Variants in CEP70 observed in about 807,000 individuals in gnomAD.
CEP70 encodes centrosomal protein 70.
In CEP70, 70 loss-of-function variants were observed where a neutral mutation model predicts 90.9. The observed-to-expected ratio is 0.77, with a 90% confidence interval of 0.64 to 0.94. CEP70 has a LOEUF of 0.94. CEP70 is among the 40% of genes least tolerant of loss of function. The probability of loss-of-function intolerance (pLI) is 0.00; values close to 1 mark genes in which losing one functional copy is unlikely to be tolerated. For synonymous variants in CEP70, 220 were observed against 228.3 expected, an observed-to-expected ratio of 0.96 and a Z score of 0.33; for missense variants, 648 against 669.0, an observed-to-expected ratio of 0.97 and a Z score of 0.35.
At chr3:138,579,979 C>T (rs1242725116) in intron 2 of CEP70, among the ~76,000 whole-genome samples, 1 of 151,984 alleles carries the variant, frequency 6.6e-6, no homozygotes, top group African/African-American at 2.4e-5. Context: ...AGAGGAGAAG[C>T]CACTGCCCTG....
rs1447760235 is a variant in CEP70, at chr3:138,500,446, C to G, written c.1490G>C (p.Gly497Ala). The G allele has an allele frequency of 6.2e-7, 1 of 1,608,142 alleles. No individual in the cohort carries two copies. The highest frequency in any genetic ancestry group is 1.3e-5 in the African/African-American group (1 of 74,514). The part of the protein sequence containing the change: ...PRMNEVYTRL[G>A]EMNNAVRNLQ... ...GTTTCTCACAGCATTGTTCATTTCT[C>G]CAAGCCTAGTATAAACTTCATTCAT... Residue 497 changes from glycine (G) to alanine (A), a missense_variant, in exon 15 of 18, where the codon GGA (glycine) becomes GCA (alanine). Transcript: ENST00000264982.
chr3:138,496,400 G>A (rs976570825), intron 17 of CEP70: 4 of 985,282 alleles, frequency 4.1e-6, no homozygotes, highest in South Asian at 9.4e-5. Context: ...AACAATATAA[G>A]CAAACCTACA....
At position 138,526,230 on chromosome 3, in the gene CEP70, A is replaced by T. The variant is rs554509606; in HGVS notation, c.870-666T>A. On this transcript the variant is annotated intron_variant, in intron 10 of 17. Coordinates refer to ENST00000264982, the MANE Select transcript of CEP70 (RefSeq NM_024491.4). ...GGCTGGAGTGCAGTGGCACAAGTTC[A>T]GCTTACTGCAACCTCCACCTCCCAG... is the stretch of plus-strand genomic sequence containing the variant. Among the ~76,000 whole-genome samples, 9 of 152,184 alleles carry T rather than the reference A, an allele frequency of 5.9e-5. No individual in the cohort carries two copies. The South Asian group carries it at 1.9e-3, about 32-fold the overall frequency.
intron 6 of CEP70, among the ~76,000 whole-genome samples, chr3:138,545,849 C>G (rs2039152682): frequency 6.6e-6 from 1 of 152,158 alleles, no homozygotes; most frequent in South Asian, 2.1e-4. Flanking sequence ...GAAATTCCAG[C>G]CTGGTAAATT....
chr3:138,534,179 C>A (rs2038074342), intron 7 of CEP70, among the ~76,000 whole-genome samples: 1 of 152,178 alleles, frequency 6.6e-6, no homozygotes, highest in Non-Finnish European at 1.5e-5. Flanking sequence ...TTTAAACGAA[C>A]AATATACTGT....
At chr3:138,580,268 G>T (rs539857512) in intron 2 of CEP70, among the ~76,000 whole-genome samples, 1 of 152,134 alleles carries the variant, frequency 6.6e-6, no homozygotes, top group African/African-American at 2.4e-5. Flanking sequence ...CAGTAGGGCC[G>T]GCCACAGGGA....
chr3:138,500,050 G>A, intron 16 of CEP70, 60 bp downstream of exon 16: 1 of 1,114,682 alleles, frequency 9.0e-7, no homozygotes, highest in South Asian at 1.3e-5. Context: ...GGGACTACAG[G>A]CGTGTGCCAC....
intron 6 of CEP70, among the ~76,000 whole-genome samples, chr3:138,541,402 G>GAAAGAAAAAGAA (rs541045727): frequency 1.4e-5 from 2 of 141,462 alleles, no homozygotes; most frequent in African/African-American, 5.4e-5. Context: ...ACGTGGTGCT[G>GAAAGAAAAAGAA]AAAGAAAAAG....
intron 11 of CEP70, among the ~76,000 whole-genome samples, chr3:138,516,106 C>T (rs551984996): frequency 6.6e-5 from 10 of 152,276 alleles, no homozygotes; most frequent in South Asian, 4.1e-4. Flanking sequence ...TACTCTCCCA[C>T]GATTGTACGT....
At chr3:138,508,107 A>T (rs2035160391) in intron 12 of CEP70, among the ~76,000 whole-genome samples, 1 of 152,166 alleles carries the variant, frequency 6.6e-6, no homozygotes, top group South Asian at 2.1e-4. Context: ...AAGAAAATAG[A>T]TTTACTTAAT....
At chr3:138,523,235 A>G (rs1321994668) in intron 11 of CEP70, among the ~76,000 whole-genome samples, 1 of 152,212 alleles carries the variant, frequency 6.6e-6, no homozygotes, top group Non-Finnish European at 1.5e-5. Flanking sequence ...CAAAATAATA[A>G]GAGCTATTTA....
chr3:138,525,319 A>T (rs2037109880), intron 11 of CEP70, among the ~76,000 whole-genome samples, 171 bp downstream of exon 11: 1 of 152,134 alleles, frequency 6.6e-6, no homozygotes, highest in Admixed American at 6.5e-5. Context: ...ATGTTAAATG[A>T]CGAGTTACTG....
chr3:138,498,885 A>G (rs991860456), intron 16 of CEP70, among the ~76,000 whole-genome samples: 1 of 151,694 alleles, frequency 6.6e-6, no homozygotes, highest in Non-Finnish European at 1.5e-5. Context: ...CACGTCTACT[A>G]AAGTACAAAA....
chr3:138,592,571 A>C (rs1359808858), intron 1 of CEP70, among the ~76,000 whole-genome samples: 1 of 152,056 alleles, frequency 6.6e-6, no homozygotes, highest in Admixed American at 6.6e-5. Context: ...GGGGGGTAGG[A>C]GTCGGAGGGT....
intron 7 of CEP70, among the ~76,000 whole-genome samples, chr3:138,533,360 G>T (rs1162006216): frequency 6.6e-6 from 1 of 151,876 alleles, no homozygotes; most frequent in African/African-American, 2.4e-5. Flanking sequence ...TCCTTAACAA[G>T]GAATGATGAT....
At chr3:138,575,815 G>T (rs549999372) in intron 2 of CEP70, among the ~76,000 whole-genome samples, 2 of 152,166 alleles carry the variant, frequency 1.3e-5, no homozygotes, top group African/African-American at 4.8e-5. Context: ...TTAAAGAAAA[G>T]AATTTTCAGT....
chr3:138,530,280 C>T (rs577960945), intron 8 of CEP70, among the ~76,000 whole-genome samples: 100 of 152,220 alleles, frequency 6.6e-4, no homozygotes, highest in Non-Finnish European at 1.3e-3. Context: ...GTATAAAATA[C>T]TTTTCTGTTA....
At chr3:138,580,485 A>G (rs544075828) in intron 2 of CEP70, among the ~76,000 whole-genome samples, 3 of 152,326 alleles carry the variant, frequency 2.0e-5, no homozygotes, top group East Asian at 3.9e-4. Flanking sequence ...ACTCAGATAT[A>G]TAGCTGCAGT....
At chr3:138,502,609 C>T (rs2034617612) in intron 13 of CEP70, among the ~76,000 whole-genome samples, 1 of 150,908 alleles carries the variant, frequency 6.6e-6, no homozygotes. Context: ...GAACAAGGCA[C>T]ATTTATAAAG....
Sources: gnomAD v4.1 joint callset for allele counts (sites outside exome capture counted in the v4.1 genomes callset) on GRCh38, gnomAD v4.1.1 for gene constraint, MANE v1.5 for transcripts, NCBI Gene and HGNC (gene_info 2026-07-23, HGNC 2026-07-21) for gene names.